MYH15: variants seen among roughly 807,000 people sequenced by gnomAD.
MYH15 encodes the protein myosin heavy chain 15, also known as myosin-15.
In MYH15, 227 loss-of-function variants were observed where a neutral mutation model predicts 240.5. The observed-to-expected ratio is 0.94, with a 90% confidence interval of 0.85 to 1.05. The LOEUF (loss-of-function observed/expected upper bound fraction) is 1.05. Ranked by LOEUF, MYH15 falls within the 50% of genes least tolerant of loss-of-function variation. MYH15 has a pLI of 0.00. For synonymous variants in MYH15, 785 were observed against 796.7 expected, an observed-to-expected ratio of 0.99 and a Z score of 0.25; for missense variants, 2,217 against 2,247.5, an observed-to-expected ratio of 0.99 and a Z score of 0.27.
intron 1 of MYH15, among the ~76,000 whole-genome samples, chr3:108,506,548 T>C (rs2083477345): frequency 6.6e-6 from 1 of 152,124 alleles, no homozygotes; most frequent in South Asian, 2.1e-4. Flanking sequence ...CTTCTCTTTC[T>C]CTCCCAGTTG....
chr3:108,396,171 A>G (rs1023494410), intron 35 of MYH15, among the ~76,000 whole-genome samples: 1 of 152,062 alleles, frequency 6.6e-6, no homozygotes, highest in African/African-American at 2.4e-5. Flanking sequence ...GCTGATCCTC[A>G]TCTCTCTCTA....
chr3:108,472,998 A>T (rs1457710948), intron 12 of MYH15, among the ~76,000 whole-genome samples: 1 of 152,142 alleles, frequency 6.6e-6, no homozygotes, highest in Non-Finnish European at 1.5e-5. Context: ...TAACAAAGTC[A>T]AATAGTTAAT....
In MYH15 at chr3:108,391,889, GGT is replaced by G; in HGVS notation, c.5299_5300del (p.Thr1767HisfsTer24). 1 of 1,614,062 alleles carries G rather than the reference GGT, an allele frequency of 6.2e-7. No homozygotes were observed. The highest frequency in any genetic ancestry group is 8.5e-7 in the Non-Finnish European group (1 of 1,179,976). ...CTCTTGTCCTTTCCAAGTGGGCAAT[GGT>G]GTCTTGCTTCTTCTTCAGTTCTTCT... ...LSEELKKKQD[T>X]IAHLERTREN... On this transcript the variant is annotated frameshift_variant, in exon 37 of 41. Transcript: ENST00000693548. LOFTEE classifies it high-confidence loss of function.
At chr3:108,539,831 C>T in the MYH15 span, among the ~76,000 whole-genome samples, 4 of 152,044 alleles carry the variant, frequency 2.6e-5, no homozygotes, top group African/African-American at 7.2e-5. Flanking sequence ...CCCCAGAAAG[C>T]CCATTCCTAG....
At chr3:108,419,816 A>G (rs943446928) in intron 28 of MYH15, among the ~76,000 whole-genome samples, 6 of 152,242 alleles carry the variant, frequency 3.9e-5, no homozygotes, top group Non-Finnish European at 2.9e-5. Context: ...ATGTAGCCCA[A>G]ATGTGTTCAT....
Position 108,439,877 on chromosome 3 carries a change from C to G in MYH15, c.2935G>C (p.Glu979Gln). 2.5e-6 allele frequency: 4 copies of G among 1,607,550 alleles called. No individual in the cohort carries two copies. Among genetic ancestry groups the G allele is most frequent in the Non-Finnish European group, 3.4e-6 (4 of 1,177,522 alleles). The change falls in exon 24 of 41, where the codon GAG becomes CAG. Residue 979 changes from glutamate to glutamine, a missense_variant. Glu to Gln is a conservative substitution (Grantham distance 29). Coordinates refer to ENST00000693548, the MANE Select transcript of MYH15 (RefSeq NM_014981.3). ...NLTEEVEFLN[E>Q]DISKLNRAAK... The stretch of plus-strand genomic sequence containing the variant: ...GCTCTGTTAAGTTTGCTGATATCCT[C>G]ATTTAGAAACTCTACTTCCTCAGTC...
intron 39 of MYH15, 151 bp from the exon 40 acceptor site, chr3:108,383,880 T>A: frequency 1.6e-6 from 1 of 629,934 alleles, no homozygotes; most frequent in Non-Finnish European, 2.5e-6. Context: ...TATGATATAT[T>A]AGGATTCAGA....
chr3:108,391,993 C>A, intron 36 of MYH15, 63 bp from the exon 37 acceptor site: 1 of 1,563,230 alleles, frequency 6.4e-7, no homozygotes, highest in Non-Finnish European at 8.7e-7. Flanking sequence ...CATTTTTACC[C>A]ATGATCTTTA....
At chr3:108,433,795 A>G (rs900075440) in intron 25 of MYH15, among the ~76,000 whole-genome samples, 1 of 152,184 alleles carries the variant, frequency 6.6e-6, no homozygotes, top group African/African-American at 2.4e-5. Flanking sequence ...CTGTAAATCC[A>G]TTAAACCCTT....
chr3:108,508,481 T>A lies in MYH15; in HGVS notation c.88+1962A>T, dbSNP rs187088999. Among the ~76,000 whole-genome samples the A allele has an allele frequency of 2.6e-5, 4 of 152,364 alleles. No individual in the cohort carries two copies. The East Asian group carries it at 7.7e-4, about 29-fold the overall frequency. On this transcript the variant is annotated intron_variant, in intron 1 of 40. Coordinates refer to ENST00000693548, the MANE Select transcript of MYH15 (RefSeq NM_014981.3). ...ATATAAAGCCACATGACTTCATCTC[T>A]TTTGGCCTTCGTATTCTCATCTGTA... is the stretch of plus-strand genomic sequence containing the variant.
At chr3:108,538,463 A>C in the MYH15 span, among the ~76,000 whole-genome samples, 1 of 152,208 alleles carries the variant, frequency 6.6e-6, no homozygotes, top group East Asian at 1.9e-4. Context: ...AACCTCTTTA[A>C]TTTCATAAGG....
At chr3:108,420,344 A>G (rs1297024709) in intron 28 of MYH15, among the ~76,000 whole-genome samples, 2 of 152,226 alleles carry the variant, frequency 1.3e-5, no homozygotes, top group African/African-American at 4.8e-5. Context: ...ATATGTAGTT[A>G]GTTTGAACTT....
intron 32 of MYH15, among the ~76,000 whole-genome samples, chr3:108,405,956 A>C (rs756526964): frequency 2.6e-5 from 4 of 152,200 alleles, no homozygotes; most frequent in Non-Finnish European, 5.9e-5. Context: ...AGAACAAATA[A>C]AGGAATTTAC....
intron 32 of MYH15, among the ~76,000 whole-genome samples, chr3:108,406,924 T>C (rs541163519): frequency 6.6e-5 from 10 of 152,218 alleles, no homozygotes; most frequent in African/African-American, 1.2e-4. Context: ...GTCATAGTAC[T>C]TGAAATTTCT....
chr3:108,386,375 A>G lies in MYH15; in HGVS notation c.5536-1593T>C, dbSNP rs564164982. Among the ~76,000 whole-genome samples, 4 of 152,306 alleles carry G rather than the reference A, an allele frequency of 2.6e-5. No individual in the cohort carries two copies. In the East Asian group the frequency reaches 5.8e-4, roughly 22 times the overall value. ...GCACGTCCTAGATTTCCTATCAAGA[A>G]AAGAACTTGACATTCAGCTGTGAGA... is the stretch of plus-strand genomic sequence containing the variant. On this transcript the variant is annotated intron_variant, in intron 38 of 40. Coordinates refer to ENST00000693548, the MANE Select transcript of MYH15 (RefSeq NM_014981.3).
intron 27 of MYH15, among the ~76,000 whole-genome samples, chr3:108,427,856 C>T (rs555296797): frequency 6.6e-6 from 1 of 152,328 alleles, no homozygotes; most frequent in East Asian, 1.9e-4. Flanking sequence ...GAGAAGGTTG[C>T]AGCAACTAGC....
chr3:108,411,075 GCTCCTAT>G, intron 30 of MYH15, 143 bp from the exon 31 acceptor site: 1 of 649,040 alleles, frequency 1.5e-6, no homozygotes, highest in Admixed American at 3.0e-5. Flanking sequence ...AGCAACAGCA[GCTCCTAT>G]CTGAAAGTGA....
chr3:108,466,109 T>G (rs1391705143), intron 14 of MYH15, among the ~76,000 whole-genome samples: 1 of 152,116 alleles, frequency 6.6e-6, no homozygotes, highest in Non-Finnish European at 1.5e-5. Flanking sequence ...CCCATCAAAC[T>G]TGATTTACCT....
chr3:108,494,133 A>G (rs951413593), intron 7 of MYH15, among the ~76,000 whole-genome samples: 3 of 152,252 alleles, frequency 2.0e-5, no homozygotes, highest in Non-Finnish European at 4.4e-5. Context: ...CCAGGAAGGC[A>G]TCAGGGCAGG....
Sources: allele counts gnomAD v4.1 joint callset (sites outside exome capture counted in the v4.1 genomes callset), GRCh38; gene constraint gnomAD v4.1.1; transcripts MANE v1.5; gene names NCBI Gene and HGNC (gene_info 2026-07-23, HGNC 2026-07-21).